Variants in RASSF2 observed in about 807,000 individuals in gnomAD.
RASSF2 encodes the protein Ras association domain family member 2, also known as ras association domain-containing protein 2.
A neutral mutation model predicts 46.3 loss-of-function variants in RASSF2; 34 were observed. That is an observed-to-expected ratio of 0.73 (90% CI 0.56 to 0.98). RASSF2 has a LOEUF of 0.98. RASSF2 is among the 50% of genes least tolerant of loss of function. RASSF2 has a pLI of 0.00. For missense variants in RASSF2, 364 were observed against 431.2 expected (o/e 0.84, Z 1.38); for synonymous variants, 158 against 162.5 (o/e 0.97, Z 0.21).
chr20:4,802,128 G>A (rs1233532258), intron 2 of RASSF2, among the ~76,000 whole-genome samples: 1 of 152,122 alleles, frequency 6.6e-6, no homozygotes, highest in Non-Finnish European at 1.5e-5. Flanking sequence ...TGGGAGTGCA[G>A]TGGCATGACC....
intron 2 of RASSF2, among the ~76,000 whole-genome samples, chr20:4,813,251 C>G (rs1016258949): frequency 6.6e-6 from 1 of 152,172 alleles, no homozygotes; most frequent in East Asian, 1.9e-4. Context: ...CCTGGCCCAC[C>G]GACACAGGAG....
intron 2 of RASSF2, among the ~76,000 whole-genome samples, chr20:4,803,779 C>T (rs1256170672): frequency 6.7e-6 from 1 of 148,562 alleles, no homozygotes; most frequent in African/African-American, 2.5e-5. Context: ...TAAAATAAGG[C>T]CAGGCGCAGT....
Position 4,788,280 on chromosome 20 carries a change from GC to G in RASSF2, c.640-13del. ...GCTGAATTCTCAATCTGAAGCAGGA[GC>G]AAAAGATTCTTGTTGAAAGTTTCTA... On this transcript the variant is annotated splice_polypyrimidine_tract_variant and intron_variant, in intron 8 of 11. Transcript: ENST00000379400. 1 of 1,603,642 alleles carries G rather than the reference GC, an allele frequency of 6.2e-7. No homozygotes were observed. The highest frequency in any genetic ancestry group is 1.1e-5 in the South Asian group (1 of 90,880).
Position 4,812,365 on chromosome 20 carries a change from A to C in RASSF2, c.-33+9964T>G, listed in dbSNP as rs1927889769. On this transcript the variant is annotated intron_variant, in intron 2 of 11. Coordinates refer to ENST00000379400, the MANE Select transcript of RASSF2 (RefSeq NM_014737.3). This position sits in a 1 kb window ranked among gnomAD's most constrained non-coding sequence, Gnocchi z 4.0. ...AGTTGAGGCACAAAGAAGCTATGCC[A>C]CTTGCCCAAAGACACACAGCTAGAA... is the stretch of plus-strand genomic sequence containing the variant. 6.6e-6 allele frequency among the ~76,000 whole-genome samples: 1 copy of C among 152,238 alleles called. No homozygotes were observed. Among genetic ancestry groups the C allele is most frequent in the Non-Finnish European group, 1.5e-5 (1 of 68,036 alleles).
At position 4,788,254 on chromosome 20, in the gene RASSF2, T is replaced by C. The variant is rs1368399956; in HGVS notation, c.654A>G (p.Ala218=). Residue 218 remains alanine (A), a synonymous_variant, in exon 9 of 12, where the codon GCA becomes GCG. Coordinates refer to ENST00000379400, the MANE Select transcript of RASSF2 (RefSeq NM_014737.3). The part of the protein sequence containing the change: ...LLNKFKIENS[A]EEFALYVVHT... ...GGACCACGTACAAGGCAAACTCCTC[T>C]GCTGAATTCTCAATCTGAAGCAGGA... 1 of 1,608,894 alleles carries C rather than the reference T, an allele frequency of 6.2e-7. No homozygotes were observed. The highest frequency in any genetic ancestry group is 1.7e-5 in the Admixed American group (1 of 60,026).
chr20:4,816,326 T>G (rs1173783999), intron 2 of RASSF2, among the ~76,000 whole-genome samples: 1 of 152,048 alleles, frequency 6.6e-6, no homozygotes, highest in Non-Finnish European at 1.5e-5. Flanking sequence ...ACGAAAAATA[T>G]ATATAGATAA....
chr20:4,809,971 G>A (rs553289554), intron 2 of RASSF2, among the ~76,000 whole-genome samples: 8 of 152,212 alleles, frequency 5.3e-5, no homozygotes, highest in South Asian at 2.1e-4. Flanking sequence ...CTCAGGAAAC[G>A]TGTGCCGCTA....
At chr20:4,803,053 G>C (rs1000050122) in intron 2 of RASSF2, among the ~76,000 whole-genome samples, 2 of 151,836 alleles carry the variant, frequency 1.3e-5, no homozygotes, top group African/African-American at 2.4e-5. Context: ...GCGACTAAAG[G>C]CATATGCCAT....
In RASSF2 at chr20:4,808,550, G is replaced by A. The variant is rs145378748; in HGVS notation, c.-32-7488C>T. 9.6e-3 allele frequency among the ~76,000 whole-genome samples: 1,434 copies of A among 148,624 alleles called. 15 individuals are homozygous for A. Among genetic ancestry groups the A allele is most frequent in the African/African-American group, 0.03 (1,217 of 40,364 alleles). The stretch of plus-strand genomic sequence containing the variant: ...CACCCAGGCTGGAATGGAGTGGCAC[G>A]ATCACAGGTCACTGCAGCCTTGACC... On this transcript the variant is annotated intron_variant, in intron 2 of 11. Transcript: ENST00000379400.
At chr20:4,803,913 C>T (rs564191666) in intron 2 of RASSF2, among the ~76,000 whole-genome samples, 1 of 152,116 alleles carries the variant, frequency 6.6e-6, no homozygotes, top group East Asian at 1.9e-4. Context: ...AAAAAATTAG[C>T]CAGATGTGCT....
At chr20:4,814,220 C>T (rs904561205) in intron 2 of RASSF2, among the ~76,000 whole-genome samples, 1 of 152,178 alleles carries the variant, frequency 6.6e-6, no homozygotes, top group African/African-American at 2.4e-5. Flanking sequence ...CAAGTGCTCC[C>T]GATGGCCCAT....
At position 4,812,813 on chromosome 20, in the gene RASSF2, A is replaced by G. The variant is rs910711498; in HGVS notation, c.-33+9516T>C. Reference sequence around the variant, plus strand: ...GCTTGTCCCAGGTGGCACAGCCGACATGCAGCCCAGTGCTCCTGTGGCTCT... The same window carrying G: ...GCTTGTCCCAGGTGGCACAGCCGACGTGCAGCCCAGTGCTCCTGTGGCTCT... On this transcript the variant is annotated intron_variant, in intron 2 of 11. Coordinates refer to ENST00000379400, the MANE Select transcript of RASSF2 (RefSeq NM_014737.3). The surrounding 1 kb of genome is among the most constrained non-coding windows in gnomAD (Gnocchi z 4.0). Among the ~76,000 whole-genome samples the G allele has an allele frequency of 6.6e-6, 1 of 152,208 alleles. No homozygotes were observed. The highest frequency in any genetic ancestry group is 1.5e-5 in the Non-Finnish European group (1 of 68,026).
At chr20:4,789,082 T>A (rs532460350) in intron 8 of RASSF2, among the ~76,000 whole-genome samples, 1 of 152,248 alleles carries the variant, frequency 6.6e-6, no homozygotes, top group African/African-American at 2.4e-5. Flanking sequence ...AGATCTCTGG[T>A]CTCCAAGAGA....
At chr20:4,786,437 C>A in intron 10 of RASSF2, 109 bp from the exon 11 acceptor site, 1 of 983,996 alleles carries the variant, frequency 1.0e-6, no homozygotes, top group Non-Finnish European at 1.6e-6. Context: ...CTATTTTTTT[C>A]AGAAACCCAG....
chr20:4,792,654 G>A lies in RASSF2; in HGVS notation c.288-27C>T, dbSNP rs6133164. 5.0e-6 allele frequency: 8 copies of A among 1,611,900 alleles called. No homozygotes were observed. In the Admixed American group the frequency reaches 5.0e-5, roughly 10 times the overall value. ...TGGGAGTGGAGAAGACAAAGGGGAG[G>A]GGGGAGACTAGTTTAAGCCCTGTGG... On this transcript the variant is annotated intron_variant, in intron 5 of 11. Coordinates refer to ENST00000379400, the MANE Select transcript of RASSF2 (RefSeq NM_014737.3).
chr20:4,788,070 T>C (rs922845455), intron 9 of RASSF2, 147 bp downstream of exon 9: 11 of 787,100 alleles, frequency 1.4e-5, no homozygotes, highest in Non-Finnish European at 4.2e-6. Flanking sequence ...AGTAGACTCA[T>C]ACAGCAAGCC....
At chr20:4,809,713 T>C (rs1480890067) in intron 2 of RASSF2, among the ~76,000 whole-genome samples, 1 of 152,150 alleles carries the variant, frequency 6.6e-6, no homozygotes, top group Non-Finnish European at 1.5e-5. Context: ...GCATGTGATT[T>C]ATTGTGCAGG....
At chr20:4,799,074 T>C (rs1189005050) in intron 3 of RASSF2, among the ~76,000 whole-genome samples, 1 of 152,064 alleles carries the variant, frequency 6.6e-6, no homozygotes, top group East Asian at 1.9e-4. Flanking sequence ...AATGGAGTGT[T>C]AGAATTCAGG....
intron 2 of RASSF2, among the ~76,000 whole-genome samples, chr20:4,820,742 C>T (rs1257814742): frequency 6.6e-6 from 1 of 152,042 alleles, no homozygotes; most frequent in Non-Finnish European, 1.5e-5. Context: ...CCATTCCAAG[C>T]ACACTGCTGA....
Sources: gnomAD v4.1 joint callset for allele counts (sites outside exome capture counted in the v4.1 genomes callset) on GRCh38, gnomAD v4.1.1 for gene constraint, Gnocchi (gnomAD v3.1) non-coding constraint, MANE v1.5 for transcripts, NCBI Gene and HGNC (gene_info 2026-07-23, HGNC 2026-07-21) for gene names.